Variants in KIAA0232 observed in about 807,000 individuals in gnomAD.
KIAA0232 encodes KIAA0232.
KIAA0232 carries 27 observed loss-of-function variants against 122.0 expected under a neutral mutation model. The observed-to-expected ratio is 0.22, with a 90% CI of 0.16 to 0.31. The LOEUF is 0.31. KIAA0232 is among the 10% of genes least tolerant of loss of function. The pLI is 1.00. For missense variants in KIAA0232, 1,551 were observed against 1,634.2 expected, an observed-to-expected ratio of 0.95 and a Z score of 0.88; for synonymous variants, 613 against 587.6, an observed-to-expected ratio of 1.04 and a Z score of -0.63.
chr4:6,882,119 G>A lies in KIAA0232; in HGVS notation c.*1153G>A, dbSNP rs548532050. On this transcript the variant is annotated 3_prime_UTR_variant, in exon 10 of 10. Transcript: ENST00000307659. ...GGAGCCGGCGCATCTTGTGAGTCGC[G>A]TCTGTGCATGGCGATCCGCTCCTCC... The A allele has an allele frequency of 3.3e-5, 5 of 152,570 alleles. No homozygotes were observed. The East Asian group carries it at 9.6e-4, about 29-fold the overall frequency. The allele number at this position is 152,570 out of a possible 1,614,324, so 9.5% of individuals were successfully genotyped here.
Position 6,864,152 on chromosome 4 carries a change from A to T in KIAA0232, c.3770A>T (p.Asp1257Val). Residue 1257 changes from aspartate (D) to valine (V), a missense_variant, in exon 7 of 10, where the codon GAT becomes GTT. Coordinates refer to ENST00000307659, the MANE Select transcript of KIAA0232 (RefSeq NM_014743.3). ...KAGCQFPAYEDNPVSSGQLEE... is the reference protein window; with the variant it reads ...KAGCQFPAYEVNPVSSGQLEE... ...GGTTGTCAGTTTCCTGCTTATGAAG[A>T]TAATCCAGTTTCTTCGGGACAGCTG... The T allele has an allele frequency of 6.2e-7, 1 of 1,613,546 alleles. No homozygotes were observed. The highest frequency in any genetic ancestry group is 8.5e-7 in the Non-Finnish European group (1 of 1,179,668).
intron 1 of KIAA0232, among the ~76,000 whole-genome samples, chr4:6,783,063 G>C (rs1716421572): frequency 6.6e-6 from 1 of 151,902 alleles, no homozygotes; most frequent in African/African-American, 2.4e-5. Context: ...CGAGGGCTCC[G>C]GGGCCAGCCT....
intron 1 of KIAA0232, among the ~76,000 whole-genome samples, chr4:6,783,393 G>T (rs576603550): frequency 6.6e-6 from 1 of 152,354 alleles, no homozygotes; most frequent in South Asian, 2.1e-4. Context: ...CGCCGCGCCG[G>T]GGCGGCTCTT....
intron 1 of KIAA0232, among the ~76,000 whole-genome samples, chr4:6,783,600 G>A (rs1471602968): frequency 2.0e-5 from 3 of 151,788 alleles, no homozygotes; most frequent in African/African-American, 7.2e-5. Flanking sequence ...CCCGGGAAGG[G>A]AAAACCGCCG....
chr4:6,783,686 G>A (rs1716470833), intron 1 of KIAA0232, among the ~76,000 whole-genome samples: 1 of 150,138 alleles, frequency 6.7e-6, no homozygotes, highest in African/African-American at 2.4e-5. Flanking sequence ...TATGGCGCGG[G>A]GCGCGGCGCG....
chr4:6,818,889 A>T (rs1718276642), intron 2 of KIAA0232, among the ~76,000 whole-genome samples: 1 of 152,168 alleles, frequency 6.6e-6, no homozygotes, highest in African/African-American at 2.4e-5. Flanking sequence ...ATGTAGACCA[A>T]TGGAACGGAA....
intron 1 of KIAA0232, among the ~76,000 whole-genome samples, chr4:6,799,190 G>A (rs1419119784): frequency 6.6e-6 from 1 of 151,418 alleles, no homozygotes; most frequent in Admixed American, 6.6e-5. Context: ...CTGTCTTCAC[G>A]TGGGATTCTC....
At chr4:6,827,341 G>T (rs566059628) in intron 3 of KIAA0232, among the ~76,000 whole-genome samples, 1 of 152,314 alleles carries the variant, frequency 6.6e-6, no homozygotes, top group Non-Finnish European at 1.5e-5. Flanking sequence ...GACAAGGATG[G>T]TTCTCTTCTA....
At chr4:6,812,136 C>T (rs1008215406) in intron 2 of KIAA0232, among the ~76,000 whole-genome samples, 3 of 152,078 alleles carry the variant, frequency 2.0e-5, no homozygotes, top group Non-Finnish European at 4.4e-5. Flanking sequence ...TGGACAACCT[C>T]CTGGAACGTG....
chr4:6,837,128 C>G (rs547790679), intron 3 of KIAA0232, among the ~76,000 whole-genome samples: 1 of 150,296 alleles, frequency 6.7e-6, no homozygotes, highest in African/African-American at 2.5e-5. Flanking sequence ...AGCGGCCGGG[C>G]GGGGGCTGCC....
intron 7 of KIAA0232, among the ~76,000 whole-genome samples, chr4:6,870,372 A>C (rs1404341284): frequency 6.6e-6 from 1 of 152,192 alleles, no homozygotes; most frequent in Non-Finnish European, 1.5e-5. Flanking sequence ...CTCTCATCTC[A>C]TTTGGATGGC....
intron 4 of KIAA0232, among the ~76,000 whole-genome samples, chr4:6,847,909 AAAACTGAATCAAAGCTAGTACTTTATC>A: frequency 6.6e-6 from 1 of 152,226 alleles, no homozygotes; most frequent in Non-Finnish European, 1.5e-5. Context: ...TGAGCCACTT[AAAACTGAATCAAAGCTAGTACTTTATC>A]TCCCACTTTG....
At chr4:6,820,478 T>C (rs1414949989) in intron 2 of KIAA0232, among the ~76,000 whole-genome samples, 4 of 152,200 alleles carry the variant, frequency 2.6e-5, no homozygotes, top group African/African-American at 9.6e-5. Flanking sequence ...TTTTAATTGA[T>C]GTGTTTAGGT....
At position 6,861,264 on chromosome 4, in the gene KIAA0232, A is replaced by G. The variant is rs1577406375; in HGVS notation, c.882A>G (p.Glu294=). 3.1e-6 allele frequency: 5 copies of G among 1,614,156 alleles called. No individual in the cohort carries two copies. Among genetic ancestry groups the G allele is most frequent in the African/African-American group, 1.3e-5 (1 of 75,052 alleles). The change falls in exon 7 of 10, where the codon GAA becomes GAG. Residue 294 remains glutamate (E), a synonymous_variant. Transcript: ENST00000307659. ...RPRSWSSGSS[E]AGSSSSGNQG... ...GCTCGTGGTCTTCTGGCTCCAGTGA[A>G]GCAGGCTCAAGTTCCAGTGGGAATC...
intron 9 of KIAA0232, among the ~76,000 whole-genome samples, chr4:6,877,172 CTTG>C (rs1391900372): frequency 6.6e-6 from 1 of 152,068 alleles, no homozygotes; most frequent in Admixed American, 6.5e-5. Context: ...TGCCAGTGTG[CTTG>C]TTGCCGCTGT....
chr4:6,827,095 G>C (rs746809320), intron 3 of KIAA0232, among the ~76,000 whole-genome samples: 2 of 152,110 alleles, frequency 1.3e-5, no homozygotes, highest in Non-Finnish European at 2.9e-5. Flanking sequence ...GAAATAAAAG[G>C]CCCTAAAATA....
intron 2 of KIAA0232, among the ~76,000 whole-genome samples, chr4:6,822,407 A>G (rs1718465091): frequency 6.6e-6 from 1 of 152,232 alleles, no homozygotes; most frequent in Non-Finnish European, 1.5e-5. Flanking sequence ...GATAAATGCA[A>G]GAAACTCAGT....
chr4:6,806,778 A>G (rs1202889163), intron 2 of KIAA0232, among the ~76,000 whole-genome samples: 1 of 151,390 alleles, frequency 6.6e-6, no homozygotes, highest in East Asian at 1.9e-4. Flanking sequence ...TAAAACAATA[A>G]GAACATACAG....
chr4:6,828,869 A>G (rs1718827742), intron 3 of KIAA0232, among the ~76,000 whole-genome samples: 1 of 152,180 alleles, frequency 6.6e-6, no homozygotes, highest in Non-Finnish European at 1.5e-5. Flanking sequence ...CCTTAGTCAT[A>G]TTACAATTAC....
Sources: allele counts gnomAD v4.1 joint callset (sites outside exome capture counted in the v4.1 genomes callset), GRCh38; gene constraint gnomAD v4.1.1; transcripts MANE v1.5; gene names NCBI Gene and HGNC (gene_info 2026-07-23, HGNC 2026-07-21).